The following CYTH1 variants were observed in gnomAD, a reference collection of about 807,000 sequenced individuals.
The protein encoded by CYTH1 is cytohesin 1.
Under a neutral mutation model 61.8 loss-of-function variants are expected in CYTH1, and 18 were observed. The ratio of observed to expected loss-of-function variants is 0.29; its 90% CI spans 0.20 to 0.43. CYTH1 has a LOEUF of 0.43. Among genes scored for constraint, CYTH1 ranks in the 20% least tolerant of loss-of-function variants. The probability of loss-of-function intolerance (pLI) is 1.00; values close to 1 mark genes in which losing one functional copy is unlikely to be tolerated. For synonymous variants in CYTH1, 174 were observed against 184.3 expected, an observed-to-expected ratio of 0.94 and a Z score of 0.45; for missense variants, 336 against 510.5, an observed-to-expected ratio of 0.66 and a Z score of 3.29.
intron 1 of CYTH1, among the ~76,000 whole-genome samples, chr17:78,769,443 T>A (rs2093461860): frequency 6.6e-6 from 1 of 152,098 alleles, no homozygotes; most frequent in South Asian, 2.1e-4. Context: ...CACTAACTCA[T>A]CTTTCACAAT....
At chr17:78,760,600 T>C (rs1290291225) in intron 1 of CYTH1, among the ~76,000 whole-genome samples, 5 of 139,162 alleles carry the variant, frequency 3.6e-5, no homozygotes, top group African/African-American at 1.3e-4. Flanking sequence ...TATATGTATA[T>C]ATATAGTTTA....
chr17:78,749,322 T>C (rs1044648494), intron 1 of CYTH1, among the ~76,000 whole-genome samples: 6 of 152,104 alleles, frequency 3.9e-5, no homozygotes, highest in Non-Finnish European at 8.8e-5. Flanking sequence ...TAGCCAGGCA[T>C]GGTGGTAGGC....
chr17:78,778,666 G>C (rs1041591773), intron 1 of CYTH1, among the ~76,000 whole-genome samples: 1 of 137,658 alleles, frequency 7.3e-6, no homozygotes, highest in Non-Finnish European at 1.6e-5. Context: ...AAAAAAGAAA[G>C]AAAAAGTTTA....
intron 1 of CYTH1, among the ~76,000 whole-genome samples, chr17:78,721,095 C>G (rs1019790908): frequency 2.0e-5 from 3 of 152,086 alleles, no homozygotes; most frequent in Non-Finnish European, 2.9e-5. Context: ...TTTGGGGGGC[C>G]GAGGCAGGTG....
chr17:78,782,118 C>G, intron 1 of CYTH1, 84 bp downstream of exon 1: 1 of 1,161,788 alleles, frequency 8.6e-7, no homozygotes, highest in Non-Finnish European at 1.1e-6. Context: ...AAACGCCAGC[C>G]GCCGCAAGCG....
intron 1 of CYTH1, among the ~76,000 whole-genome samples, chr17:78,760,425 A>AGTTTAAAAGAAAG (rs2093419535): frequency 1.4e-5 from 1 of 69,532 alleles, no homozygotes; most frequent in African/African-American, 5.8e-5. Context: ...ATATATATAT[A>AGTTTAAAAGAAAG]CACATACATA....
chr17:78,680,624 T>C (rs1008691540), intron 12 of CYTH1, among the ~76,000 whole-genome samples: 2 of 152,200 alleles, frequency 1.3e-5, no homozygotes, highest in Non-Finnish European at 2.9e-5. Flanking sequence ...CGACTTTAAC[T>C]TCAAGCCAGT....
chr17:78,711,299 A>AT (rs1377033961), intron 1 of CYTH1, among the ~76,000 whole-genome samples: 2 of 100,932 alleles, frequency 2.0e-5, no homozygotes, highest in African/African-American at 7.6e-5. Flanking sequence ...TAAATAAATA[A>AT]ATAATATATA....
At chr17:78,747,070 C>G (rs1167192195) in intron 1 of CYTH1, among the ~76,000 whole-genome samples, 2 of 122,844 alleles carry the variant, frequency 1.6e-5, no homozygotes, top group Non-Finnish European at 3.2e-5. Context: ...GCTAGACCTA[C>G]AAAGGTCAAG....
intron 1 of CYTH1, among the ~76,000 whole-genome samples, chr17:78,736,085 G>A (rs998846007): frequency 1.3e-5 from 2 of 152,158 alleles, no homozygotes; most frequent in African/African-American, 2.4e-5. Flanking sequence ...AACAACCAAA[G>A]GGAGAAGACC....
chr17:78,681,126 A>C lies in CYTH1; in HGVS notation c.892-84T>G, dbSNP rs982383225. ...GATTCCTCGCCGGTGACTCAGCCGA[A>C]CTTTCCTGCTTTCTCCCAGGACATG... On this transcript the variant is annotated intron_variant, in intron 11 of 13. Coordinates refer to ENST00000446868, the MANE Select transcript of CYTH1 (RefSeq NM_004762.6). The C allele has an allele frequency of 3.7e-6, 5 of 1,367,176 alleles. No homozygotes were observed. In the Admixed American group the frequency reaches 9.6e-5, roughly 26 times the overall value. The allele number at this position is 1,367,176 out of a possible 1,614,324, so 84.7% of individuals were successfully genotyped here.
chr17:78,725,553 GGATT>G (rs1458974535), intron 1 of CYTH1, among the ~76,000 whole-genome samples: 1 of 152,062 alleles, frequency 6.6e-6, no homozygotes, highest in East Asian at 1.9e-4. Context: ...CTCTCTTCAG[GGATT>G]GAAAGAGCCC....
intron 1 of CYTH1, among the ~76,000 whole-genome samples, chr17:78,725,544 T>C (rs2093261971): frequency 1.3e-5 from 2 of 152,062 alleles, no homozygotes; most frequent in Non-Finnish European, 1.5e-5. Flanking sequence ...ACATACACAC[T>C]CTCTTCAGGG....
Position 78,674,665 on chromosome 17 carries a change from T to TC in CYTH1, c.*1425dup, listed in dbSNP as rs1277321319. 2.6e-5 allele frequency: 4 copies of TC among 152,488 alleles called. No homozygotes were observed. Among genetic ancestry groups the TC allele is most frequent in the African/African-American group, 9.6e-5 (4 of 41,472 alleles). 9.4% of individuals were successfully genotyped at this position (152,488 alleles called of 1,614,324 possible). A position where few individuals can be genotyped will look rare whatever the true frequency, so the allele number is the denominator to read the frequency against. Reference sequence around the variant, plus strand: ...ACCCGCAGCTCCTCCACCTGCCTCCTCAGGGCTGCGCCCTGCACCGCCCTG... The same window carrying TC: ...ACCCGCAGCTCCTCCACCTGCCTCCTCCAGGGCTGCGCCCTGCACCGCCCTG... On this transcript the variant is annotated 3_prime_UTR_variant, in exon 14 of 14. Transcript: ENST00000446868.
chr17:78,754,810 A>G (rs887003038), intron 1 of CYTH1, among the ~76,000 whole-genome samples: 25 of 152,210 alleles, frequency 1.6e-4, no homozygotes, highest in African/African-American at 6.0e-4. Flanking sequence ...CTTATGTTAA[A>G]TAAAAGCTCT....
chr17:78,765,594 C>G (rs2093445237), intron 1 of CYTH1, among the ~76,000 whole-genome samples: 3 of 152,092 alleles, frequency 2.0e-5, no homozygotes. Flanking sequence ...AAACAAATGG[C>G]AAGCCCTCAA....
At chr17:78,751,879 G>A (rs1288363443) in intron 1 of CYTH1, among the ~76,000 whole-genome samples, 3 of 151,828 alleles carry the variant, frequency 2.0e-5, no homozygotes, top group African/African-American at 7.3e-5. Flanking sequence ...GCATGATCTC[G>A]GCTCACTGCA....
intron 1 of CYTH1, among the ~76,000 whole-genome samples, chr17:78,762,138 C>A (rs149839284): frequency 8.5e-5 from 13 of 152,288 alleles, no homozygotes; most frequent in Middle Eastern, 3.4e-3. Flanking sequence ...ATTTCCATTA[C>A]CTGACAACAG....
At chr17:78,678,974 T>C (rs2092729820) in intron 13 of CYTH1, among the ~76,000 whole-genome samples, 1 of 152,244 alleles carries the variant, frequency 6.6e-6, no homozygotes, top group Admixed American at 6.5e-5. Flanking sequence ...TTGCATGAAT[T>C]TTCAGATTAC....
Sources: allele counts gnomAD v4.1 joint callset (sites outside exome capture counted in the v4.1 genomes callset), GRCh38; gene constraint gnomAD v4.1.1; transcripts MANE v1.5; gene names NCBI Gene and HGNC (gene_info 2026-07-23, HGNC 2026-07-21).